GRID2: variants seen among roughly 807,000 people sequenced by gnomAD.
The protein encoded by GRID2 is glutamate ionotropic receptor delta type subunit 2.
Under a neutral mutation model 114.8 loss-of-function variants are expected in GRID2, and 33 were observed. The ratio of observed to expected loss-of-function variants is 0.29; its 90% CI spans 0.22 to 0.38. The LOEUF (loss-of-function observed/expected upper bound fraction) is 0.38, where lower values mean the gene tolerates loss of function less well. GRID2 is among the 10% of genes least tolerant of loss of function. The pLI is 1.00. For synonymous variants in GRID2, 505 were observed against 449.9 expected (o/e 1.12, Z -1.55); for missense variants, 1,184 against 1,257.7 (o/e 0.94, Z 0.89).
chr4:93,036,265 T>A, intron 2 of GRID2, among the ~76,000 whole-genome samples: 1 of 152,072 alleles, frequency 6.6e-6, no homozygotes, highest in East Asian at 1.9e-4. Context: ...ATGGTAGGAG[T>A]ACAAACTGAT....
intron 4 of GRID2, among the ~76,000 whole-genome samples, chr4:93,149,573 C>A (rs1187264271): frequency 1.1e-4 from 16 of 141,884 alleles, no homozygotes; most frequent in African/African-American, 2.6e-4. Context: ...AAGACTCCAT[C>A]AAAAAAAAAA....
chr4:92,623,117 T>C (rs1336253507), intron 2 of GRID2, among the ~76,000 whole-genome samples: 2 of 151,700 alleles, frequency 1.3e-5, no homozygotes, highest in Admixed American at 1.3e-4. Flanking sequence ...GATTTCAGGC[T>C]GATTATCTTT....
chr4:93,134,600 T>C (rs1201677221), intron 4 of GRID2, among the ~76,000 whole-genome samples: 1 of 152,228 alleles, frequency 6.6e-6, no homozygotes, highest in Non-Finnish European at 1.5e-5. Context: ...ACAAAAGTGC[T>C]ATGCTCAGTT....
intron 13 of GRID2, among the ~76,000 whole-genome samples, chr4:93,594,762 G>A (rs13120810): frequency 0.19 from 28,838 of 150,596 alleles, 3,151 homozygotes; most frequent in Middle Eastern, 0.31. Context: ...GTGGTGCGCC[G>A]TTTTTTAAGC....
At chr4:93,516,788 A>G (rs1729773990) in intron 13 of GRID2, among the ~76,000 whole-genome samples, 2 of 152,104 alleles carry the variant, frequency 1.3e-5, no homozygotes, top group Admixed American at 1.3e-4. Flanking sequence ...AGTATACACT[A>G]TGGCTTTGAG....
At chr4:93,575,806 G>C (rs1736368579) in intron 13 of GRID2, among the ~76,000 whole-genome samples, 1 of 152,024 alleles carries the variant, frequency 6.6e-6, no homozygotes, top group Admixed American at 6.6e-5. Context: ...AATTCACACA[G>C]AAATATTTTA....
At chr4:92,842,102 T>C (rs1483619046) in intron 2 of GRID2, among the ~76,000 whole-genome samples, 1 of 152,130 alleles carries the variant, frequency 6.6e-6, no homozygotes, top group Non-Finnish European at 1.5e-5. Flanking sequence ...TTAAGAATGC[T>C]GCATGATGCT....
intron 11 of GRID2, among the ~76,000 whole-genome samples, chr4:93,456,743 C>T (rs1254619186): frequency 1.3e-5 from 2 of 152,146 alleles, no homozygotes; most frequent in African/African-American, 2.4e-5. Flanking sequence ...ACAATGGAGA[C>T]ATTATACTTT....
intron 13 of GRID2, among the ~76,000 whole-genome samples, chr4:93,549,134 A>G (rs1733521921): frequency 6.6e-6 from 1 of 152,190 alleles, no homozygotes; most frequent in Non-Finnish European, 1.5e-5. Context: ...TCTCGATCAA[A>G]TACAGTTAGT....
At chr4:92,932,803 G>A (rs1313053895) in intron 2 of GRID2, among the ~76,000 whole-genome samples, 1 of 151,242 alleles carries the variant, frequency 6.6e-6, no homozygotes, top group Non-Finnish European at 1.5e-5. Flanking sequence ...AAAAAAGTCA[G>A]ATATAAAAAG....
chr4:93,738,279 T>G (rs1225140479), intron 14 of GRID2, among the ~76,000 whole-genome samples: 1 of 152,126 alleles, frequency 6.6e-6, no homozygotes, highest in East Asian at 1.9e-4. Flanking sequence ...GACTTTATAT[T>G]TTTTAGCAAG....
chr4:93,411,030 T>G (rs928745114), intron 9 of GRID2, among the ~76,000 whole-genome samples: 1 of 152,200 alleles, frequency 6.6e-6, no homozygotes, highest in African/African-American at 2.4e-5. Flanking sequence ...CTCTCCTGCT[T>G]CAGACTCATT....
intron 14 of GRID2, among the ~76,000 whole-genome samples, chr4:93,733,372 C>T (rs1405360298): frequency 3.9e-5 from 6 of 152,158 alleles, no homozygotes; most frequent in African/African-American, 1.4e-4. Context: ...CTCAAAAGTG[C>T]TCTGGCTTCC....
rs1727483669 is a variant in GRID2 at position 92,341,449 on chromosome 4, G to C, written c.88+36705G>C. ...ATGCTCAGCTATTTCACTGAAAAAT[G>C]ATGCCACTAAAGTCTAGAGCTGCTT... On this transcript the variant is annotated intron_variant, in intron 1 of 15. Transcript: ENST00000282020. Among the ~76,000 whole-genome samples, 2 of 152,000 alleles carry C rather than the reference G, an allele frequency of 1.3e-5. 1 individual carries two copies. The highest frequency in any genetic ancestry group is 1.3e-4 in the Admixed American group (2 of 15,248).
At chr4:93,584,088 T>A (rs1298401590) in intron 13 of GRID2, among the ~76,000 whole-genome samples, 3 of 152,134 alleles carry the variant, frequency 2.0e-5, no homozygotes, top group Admixed American at 6.6e-5. Context: ...ATAAAAACAG[T>A]TTCATAAAGA....
intron 13 of GRID2, among the ~76,000 whole-genome samples, chr4:93,561,980 G>A (rs530161622): frequency 5.3e-5 from 8 of 152,158 alleles, no homozygotes; most frequent in African/African-American, 1.9e-4. Flanking sequence ...AATAAAGCTG[G>A]TATAAACATT....
intron 2 of GRID2, among the ~76,000 whole-genome samples, chr4:92,605,038 C>A (rs192625594): frequency 5.6e-4 from 85 of 152,124 alleles, no homozygotes; most frequent in African/African-American, 2.0e-3. Flanking sequence ...CTTCCTGATA[C>A]CTTGTGAAGA....
At chr4:93,735,573 C>A (rs551052976) in intron 14 of GRID2, among the ~76,000 whole-genome samples, 149 of 152,038 alleles carry the variant, frequency 9.8e-4, no homozygotes, top group South Asian at 8.1e-3. Flanking sequence ...ATCAATGTAA[C>A]TCTGGTTCTT....
chr4:92,621,464 G>A (rs1730272742), intron 2 of GRID2, among the ~76,000 whole-genome samples: 1 of 151,748 alleles, frequency 6.6e-6, no homozygotes, highest in Admixed American at 6.6e-5. Context: ...TTTTGGTGTG[G>A]TTATTTTAAC....
Sources: allele counts gnomAD v4.1 joint callset (sites outside exome capture counted in the v4.1 genomes callset), GRCh38; gene constraint gnomAD v4.1.1; transcripts MANE v1.5; gene names NCBI Gene and HGNC (gene_info 2026-07-23, HGNC 2026-07-21).